ALKAL1: variants seen among roughly 807,000 people sequenced by gnomAD.
ALKAL1 encodes the protein ALK and LTK ligand 1.
A neutral mutation model predicts 13.5 loss-of-function variants in ALKAL1; 23 were observed. The observed-to-expected ratio is 1.70, with a 90% CI of 1.23 to 2.41. The LOEUF (loss-of-function observed/expected upper bound fraction) is 2.41, where lower values mean the gene tolerates loss of function less well. ALKAL1 is among the 30% of genes most tolerant of loss of function. The pLI is 0.00. For synonymous variants in ALKAL1, 85 were observed against 77.7 expected (o/e 1.09, Z -0.49); for missense variants, 181 against 178.4 (o/e 1.01, Z -0.08).
At chr8:52,558,644 C>T (rs1005123565) in intron 1 of ALKAL1, among the ~76,000 whole-genome samples, 3 of 151,954 alleles carry the variant, frequency 2.0e-5, no homozygotes, top group South Asian at 2.1e-4. Context: ...AAGTCGGGCT[C>T]GTTTATAGGC....
intron 2 of ALKAL1, 67 bp from the exon 3 acceptor site, chr8:52,539,978 T>C: frequency 4.4e-6 from 6 of 1,372,090 alleles, no homozygotes; most frequent in Non-Finnish European, 6.2e-6. Context: ...TTCCTAGCAC[T>C]TTATGGGTGG....
chr8:52,543,519 G>A lies in ALKAL1; in HGVS notation c.191-1074C>T, dbSNP rs76705040. On this transcript the variant is annotated intron_variant, in intron 1 of 4. Transcript: ENST00000358543. ...GTGAGTTCAGGGCCTGGTTCAGGGC[G>A]TGATTGTGTGGGTGCGCAGGAATGC... Among the ~76,000 whole-genome samples, 773 of 152,332 alleles carry A rather than the reference G, an allele frequency of 5.1e-3. 12 individuals carry two copies. Among genetic ancestry groups the A allele is most frequent in the African/African-American group, 0.017 (718 of 41,566 alleles).
chr8:52,562,678 G>C (rs924699759), intron 1 of ALKAL1, among the ~76,000 whole-genome samples: 29 of 152,314 alleles, frequency 1.9e-4, no homozygotes, highest in Admixed American at 1.3e-3. Flanking sequence ...GACAGAGCAA[G>C]TGCAGGGGCA....
At chr8:52,560,872 C>G (rs1286295071) in intron 1 of ALKAL1, among the ~76,000 whole-genome samples, 1 of 152,070 alleles carries the variant, frequency 6.6e-6, no homozygotes, top group African/African-American at 2.4e-5. Context: ...CATATATAAC[C>G]TTTTCACTTT....
chr8:52,541,950 A>G (rs1041169441), intron 2 of ALKAL1, among the ~76,000 whole-genome samples: 1 of 151,814 alleles, frequency 6.6e-6, no homozygotes, highest in Non-Finnish European at 1.5e-5. Context: ...TTCCAGCCAC[A>G]TATTTGACCA....
At chr8:52,556,646 CAAAAAAAA>C (rs59483863) in intron 1 of ALKAL1, among the ~76,000 whole-genome samples, 1 of 51,372 alleles carries the variant, frequency 1.9e-5, no homozygotes, top group African/African-American at 9.0e-5. Context: ...AACTCTGTCT[CAAAAAAAA>C]AAAAAAAAAA....
chr8:52,544,146 T>G (rs1250812195), intron 1 of ALKAL1, among the ~76,000 whole-genome samples: 3 of 152,040 alleles, frequency 2.0e-5, no homozygotes, highest in Non-Finnish European at 4.4e-5. Context: ...CTGGCACATG[T>G]TCAAGGAATA....
chr8:52,552,475 G>C (rs1298420241), intron 1 of ALKAL1, among the ~76,000 whole-genome samples: 1 of 152,178 alleles, frequency 6.6e-6, no homozygotes, highest in Non-Finnish European at 1.5e-5. Flanking sequence ...CTTGAGGACT[G>C]GGGAGTTGTG....
chr8:52,543,395 G>C (rs1847333560), intron 1 of ALKAL1, among the ~76,000 whole-genome samples: 1 of 152,218 alleles, frequency 6.6e-6, no homozygotes, highest in Non-Finnish European at 1.5e-5. Context: ...GGTAAATGCA[G>C]ATGCAGGGAT....
chr8:52,544,278 C>T (rs549856184), intron 1 of ALKAL1, among the ~76,000 whole-genome samples: 1 of 152,030 alleles, frequency 6.6e-6, no homozygotes, highest in African/African-American at 2.4e-5. Context: ...ACACAAACAT[C>T]ACATAGGAAT....
intron 3 of ALKAL1, 23 bp from the exon 4 acceptor site, chr8:52,538,530 A>C (rs1173654480): frequency 6.1e-6 from 9 of 1,471,708 alleles, no homozygotes; most frequent in Non-Finnish European, 8.5e-6. Context: ...TTTAAAGGTA[A>C]ATTATATATA....
chr8:52,547,768 G>A (rs895976928), intron 1 of ALKAL1, among the ~76,000 whole-genome samples: 9 of 152,284 alleles, frequency 5.9e-5, no homozygotes, highest in East Asian at 1.9e-4. Context: ...CTGGAGGATC[G>A]CTTGGGCCCA....
rs1847316260 is a variant in ALKAL1, at chr8:52,541,845, C to A, written c.244+547G>T. On this transcript the variant is annotated intron_variant, in intron 2 of 4. Coordinates refer to ENST00000358543, the MANE Select transcript of ALKAL1 (RefSeq NM_207413.4). Reference sequence around the variant, plus strand: ...CTCCCTGTTCAAAAAATTTATATTGCCCCCTCCCTCCCTACCCCCACCTGG... The same window carrying A: ...CTCCCTGTTCAAAAAATTTATATTGACCCCTCCCTCCCTACCCCCACCTGG... Among the ~76,000 whole-genome samples, 3 of 151,836 alleles carry A rather than the reference C, an allele frequency of 2.0e-5. No individual in the cohort carries two copies. In the South Asian group the frequency reaches 6.2e-4, roughly 32 times the overall value.
At chr8:52,547,403 G>A (rs1028487793) in intron 1 of ALKAL1, among the ~76,000 whole-genome samples, 1 of 152,126 alleles carries the variant, frequency 6.6e-6, no homozygotes, top group African/African-American at 2.4e-5. Context: ...GGAAGGCTGA[G>A]GGAGGAGAAT....
intron 1 of ALKAL1, among the ~76,000 whole-genome samples, chr8:52,559,350 T>C (rs1022101793): frequency 2.6e-5 from 4 of 152,178 alleles, no homozygotes; most frequent in African/African-American, 7.2e-5. Flanking sequence ...TGTGGGTACA[T>C]GCAAGGATGG....
intron 1 of ALKAL1, among the ~76,000 whole-genome samples, chr8:52,564,546 A>C (rs1174211647): frequency 6.6e-6 from 1 of 152,140 alleles, no homozygotes; most frequent in African/African-American, 2.4e-5. Flanking sequence ...CCCTTCTAAA[A>C]TGATCTAGGA....
chr8:52,549,837 G>A (rs1246965092), intron 1 of ALKAL1, among the ~76,000 whole-genome samples: 1 of 152,102 alleles, frequency 6.6e-6, no homozygotes, highest in Non-Finnish European at 1.5e-5. Flanking sequence ...AGCTACTCGA[G>A]AGGCCGAGGC....
chr8:52,560,535 G>A (rs906903453), intron 1 of ALKAL1, among the ~76,000 whole-genome samples: 2 of 152,160 alleles, frequency 1.3e-5, no homozygotes, highest in Non-Finnish European at 2.9e-5. Context: ...CCATTAAAAA[G>A]GAATTGTTTT....
chr8:52,563,749 C>T (rs182048319), intron 1 of ALKAL1, among the ~76,000 whole-genome samples: 67 of 152,306 alleles, frequency 4.4e-4, no homozygotes, highest in African/African-American at 1.6e-3. Flanking sequence ...CAGTGGCCGG[C>T]TGGACTGAGA....
Sources: allele counts gnomAD v4.1 joint callset (sites outside exome capture counted in the v4.1 genomes callset), GRCh38; gene constraint gnomAD v4.1.1; transcripts MANE v1.5; gene names NCBI Gene and HGNC (gene_info 2026-07-23, HGNC 2026-07-21).